The following GALNT15 variants were observed in gnomAD, a reference collection of about 807,000 sequenced individuals.
The protein encoded by GALNT15 is UDP-GalNAc transferase T15.
A neutral mutation model predicts 66.8 loss-of-function variants in GALNT15; 67 were observed. The ratio of observed to expected loss-of-function variants is 1.00; its 90% CI spans 0.82 to 1.23. GALNT15 has a LOEUF of 1.23. Ranked by LOEUF, GALNT15 falls within the 50% of genes most tolerant of loss-of-function variation. The pLI is 0.00. For synonymous variants in GALNT15, 313 were observed against 311.5 expected, an observed-to-expected ratio of 1.00 and a Z score of -0.05; for missense variants, 827 against 804.3, an observed-to-expected ratio of 1.03 and a Z score of -0.34.
chr3:16,181,866 C>T lies in GALNT15; in HGVS notation c.539+6176C>T, dbSNP rs2063475076. ...CGTGAAGGGATGCCACAAACACCAACCTTCCAGCCCTCGAGTCCACAGTGG... is the reference window on the plus strand; with the variant it reads ...CGTGAAGGGATGCCACAAACACCAATCTTCCAGCCCTCGAGTCCACAGTGG... On this transcript the variant is annotated intron_variant, in intron 1 of 9. Coordinates refer to ENST00000339732, the MANE Select transcript of GALNT15 (RefSeq NM_054110.5). The surrounding 1 kb of genome is among the most constrained non-coding windows in gnomAD (Gnocchi z 5.9). 6.6e-6 allele frequency among the ~76,000 whole-genome samples: 1 copy of T among 152,100 alleles called. No individual in the cohort carries two copies. Among genetic ancestry groups the T allele is most frequent in the South Asian group, 2.1e-4 (1 of 4,820 alleles).
the GALNT15 span, among the ~76,000 whole-genome samples, chr3:16,240,885 C>T: frequency 6.6e-6 from 1 of 152,238 alleles, no homozygotes. Context: ...ACCCTCTGGA[C>T]TCACCTGCTA....
chr3:16,245,557 G>A, the GALNT15 span, among the ~76,000 whole-genome samples: 1 of 152,324 alleles, frequency 6.6e-6, no homozygotes, highest in South Asian at 2.1e-4. Flanking sequence ...TTCTTGGCTG[G>A]GTCCTTTCTA....
downstream of GALNT15, among the ~76,000 whole-genome samples, chr3:16,231,536 C>T (rs139472423): frequency 6.0e-3 from 908 of 152,142 alleles, 8 homozygotes; most frequent in South Asian, 0.019. The surrounding 1 kb of genome is among the most constrained non-coding windows in gnomAD (Gnocchi z 4.1). Context: ...TAAGTTATCA[C>T]GACATATAAA....
the GALNT15 span, chr3:16,243,916 T>C: frequency 1.3e-6 from 1 of 749,034 alleles, no homozygotes; most frequent in Non-Finnish European, 1.6e-6. Context: ...ATTGACCTTG[T>C]CTGATGTCGT....
In GALNT15 at chr3:16,229,933, A is replaced by T. The variant is rs919392693; in HGVS notation, c.*2433A>T. Among the ~76,000 whole-genome samples, 3 of 152,186 alleles carry T rather than the reference A, an allele frequency of 2.0e-5. No individual in the cohort carries two copies. The highest frequency in any genetic ancestry group is 4.4e-5 in the Non-Finnish European group (3 of 68,042). On this transcript the variant is annotated 3_prime_UTR_variant, in exon 10 of 10. Coordinates refer to ENST00000339732, the MANE Select transcript of GALNT15 (RefSeq NM_054110.5). Reference sequence around the variant, plus strand: ...CAGACCCTTAATTTAAGTAAAACAGATGCCTCCATTTAGTTCTAGAAGGAC... The same window carrying T: ...CAGACCCTTAATTTAAGTAAAACAGTTGCCTCCATTTAGTTCTAGAAGGAC...
At position 16,204,052 on chromosome 3, in the gene GALNT15, T is replaced by TAA. The variant is rs1268563817; in HGVS notation, c.911+3240_911+3241dup. Among the ~76,000 whole-genome samples the TAA allele has an allele frequency of 7.1e-6, 1 of 140,964 alleles. No homozygotes were observed. Among genetic ancestry groups the TAA allele is most frequent in the Non-Finnish European group, 1.6e-5 (1 of 64,152 alleles). 92.5% of individuals were successfully genotyped at this position (140,964 alleles called of 152,430 possible). On this transcript the variant is annotated intron_variant, in intron 3 of 9. Coordinates refer to ENST00000339732, the MANE Select transcript of GALNT15 (RefSeq NM_054110.5). The surrounding 1 kb of genome is among the most constrained non-coding windows in gnomAD (Gnocchi z 4.5). ...AGAAAAGGGTCTTTAAGAGCTCTTA[T>TAA]AAAAAAAAAAAAGTGGGGTGGGAGT...
At position 16,222,748 on chromosome 3, in the gene GALNT15, A is replaced by T; in HGVS notation, c.1763A>T (p.Asp588Val). Reference sequence around the variant, plus strand: ...CTGGCCATCCACCAGCAGCACTGGGACTTCCAGGAGGTGAGTAATCTGTTC... The same window carrying T: ...CTGGCCATCCACCAGCAGCACTGGGTCTTCCAGGAGGTGAGTAATCTGTTC... ...EGLAIHQQHW[D>V]FQENGMIVHI... Residue 588 changes from aspartate (D) to valine (V), a missense_variant, in exon 9 of 10, where the codon GAC (aspartate) becomes GTC (valine). Transcript: ENST00000339732. 6.2e-7 allele frequency: 1 copy of T among 1,614,086 alleles called. No individual in the cohort carries two copies. Among genetic ancestry groups the T allele is most frequent in the Non-Finnish European group, 8.5e-7 (1 of 1,180,012 alleles).
At chr3:16,190,602 C>T (rs1340933098) in intron 1 of GALNT15, among the ~76,000 whole-genome samples, 6 of 144,222 alleles carry the variant, frequency 4.2e-5, no homozygotes, top group Non-Finnish European at 7.5e-5. Flanking sequence ...CGCGCCACTG[C>T]ACTCCAGCCT....
chr3:16,242,755 G>A, the GALNT15 span, among the ~76,000 whole-genome samples: 1 of 152,070 alleles, frequency 6.6e-6, no homozygotes, highest in Non-Finnish European at 1.5e-5. This position sits in a 1 kb window ranked among gnomAD's most constrained non-coding sequence, Gnocchi z 5.6. Context: ...CTCCAGCTTG[G>A]GTGACAAAGA....
At chr3:16,231,938 G>C (rs1329062697), downstream of GALNT15, 1 of 1,527,440 alleles carries the variant, frequency 6.5e-7, no homozygotes, top group Non-Finnish European at 8.7e-7. This position sits in a 1 kb window ranked among gnomAD's most constrained non-coding sequence, Gnocchi z 4.1. Context: ...TCTAGGCACA[G>C]ATCAAGGGTG....
intron 5 of GALNT15, 107 bp from the exon 6 acceptor site, chr3:16,212,462 T>A: frequency 1.0e-6 from 1 of 997,032 alleles, no homozygotes; most frequent in South Asian, 1.7e-5. Context: ...CATTGAGTGC[T>A]CACGATTTCC....
At position 16,195,664 on chromosome 3, in the gene GALNT15, G is replaced by C. The variant is rs556725236; in HGVS notation, c.540-96G>C. Reference sequence around the variant, plus strand: ...CCCATAGGACAGCCATATAATGGGGGCAGCTCCAGCCAGAGCAAAGGAAGC... The same window carrying C: ...CCCATAGGACAGCCATATAATGGGGCCAGCTCCAGCCAGAGCAAAGGAAGC... On this transcript the variant is annotated intron_variant, in intron 1 of 9. Transcript: ENST00000339732. This position sits in a 1 kb window ranked among gnomAD's most constrained non-coding sequence, Gnocchi z 4.6. 1.2e-5 allele frequency: 13 copies of C among 1,090,906 alleles called. No individual in the cohort carries two copies. In the South Asian group the frequency reaches 1.4e-4, roughly 12 times the overall value. The allele number at this position is 1,090,906 out of a possible 1,614,324, so 67.6% of individuals were successfully genotyped here.
chr3:16,180,988 T>C lies in GALNT15; in HGVS notation c.539+5298T>C, dbSNP rs1410466639. Among the ~76,000 whole-genome samples the C allele has an allele frequency of 6.6e-6, 1 of 152,330 alleles. No individual in the cohort carries two copies. Among genetic ancestry groups the C allele is most frequent in the East Asian group, 1.9e-4 (1 of 5,178 alleles). ...TAAAATGGGATAATAATAACACCCT[T>C]GCATAAGGTTGTAGAGAAAATGAGA... On this transcript the variant is annotated intron_variant, in intron 1 of 9. Coordinates refer to ENST00000339732, the MANE Select transcript of GALNT15 (RefSeq NM_054110.5). The surrounding 1 kb of genome is among the most constrained non-coding windows in gnomAD (Gnocchi z 5.0).
Position 16,195,845 on chromosome 3 carries a change from C to A in GALNT15, c.625C>A (p.Arg209=). ...FHDEAWSTLL[R]TVHSILDTVP... The stretch of plus-strand genomic sequence containing the variant: ...TGATGAGGCCTGGTCCACTCTCCTG[C>A]GGACTGTACACAGCATCCTCGACAC... The change falls in exon 2 of 10, where the codon CGG becomes AGG. Residue 209 remains arginine (R), a synonymous_variant. Transcript: ENST00000339732. This position sits in a 1 kb window ranked among gnomAD's most constrained non-coding sequence, Gnocchi z 4.6. The A allele has an allele frequency of 1.2e-6, 2 of 1,614,052 alleles. No homozygotes were observed. The highest frequency in any genetic ancestry group is 1.7e-6 in the Non-Finnish European group (2 of 1,179,948).
chr3:16,230,465 T>C (rs760865919), downstream of GALNT15, among the ~76,000 whole-genome samples: 3 of 151,970 alleles, frequency 2.0e-5, no homozygotes, highest in Non-Finnish European at 2.9e-5. The surrounding 1 kb of genome is among the most constrained non-coding windows in gnomAD (Gnocchi z 4.5). Flanking sequence ...TGTGAGGGGG[T>C]TCTATTCTCT....
chr3:16,245,892 A>C, the GALNT15 span, among the ~76,000 whole-genome samples: 1 of 152,214 alleles, frequency 6.6e-6, no homozygotes, highest in African/African-American at 2.4e-5. Flanking sequence ...TCAGTGATTA[A>C]CTGGAGTGTC....
At chr3:16,241,521 A>G in the GALNT15 span, among the ~76,000 whole-genome samples, 2 of 151,582 alleles carry the variant, frequency 1.3e-5, no homozygotes, top group Non-Finnish European at 2.9e-5. The surrounding 1 kb of genome is among the most constrained non-coding windows in gnomAD (Gnocchi z 4.6). Context: ...CTACCCCAAA[A>G]CTTAGTGGCT....
At position 16,191,735 on chromosome 3, in the gene GALNT15, T is replaced by C. The variant is rs11128786; in HGVS notation, c.540-4025T>C. Among the ~76,000 whole-genome samples, 32,068 of 152,176 alleles carry C rather than the reference T, an allele frequency of 0.21. 3,536 individuals are homozygous for C. Among genetic ancestry groups the C allele is most frequent in the Admixed American group, 0.24 (3,698 of 15,284 alleles). On this transcript the variant is annotated intron_variant, in intron 1 of 9. Coordinates refer to ENST00000339732, the MANE Select transcript of GALNT15 (RefSeq NM_054110.5). The surrounding 1 kb of genome is among the most constrained non-coding windows in gnomAD (Gnocchi z 5.2). ...AGAGTTTAAATACAAATTTCTTTCA[T>C]TGAAGGAGGCCCTGCTCCATGCCAG...
chr3:16,219,764 C>A lies in GALNT15; in HGVS notation c.1525-146C>A. 2.3e-6 allele frequency: 2 copies of A among 877,178 alleles called. No homozygotes were observed. The highest frequency in any genetic ancestry group is 1.5e-5 in the South Asian group (1 of 66,746). 54.3% of individuals were successfully genotyped at this position (877,178 alleles called of 1,614,324 possible). On this transcript the variant is annotated intron_variant, in intron 7 of 9. Transcript: ENST00000339732. The surrounding 1 kb of genome is among the most constrained non-coding windows in gnomAD (Gnocchi z 4.3). ...GAGGCCTGTCCCTTAGGGTCAGTGG[C>A]TTCAGCTTTACCACACCTGTTGTTG...
Sources: gnomAD v4.1 joint callset for allele counts (sites outside exome capture counted in the v4.1 genomes callset) on GRCh38, gnomAD v4.1.1 for gene constraint, Gnocchi (gnomAD v3.1) non-coding constraint, MANE v1.5 for transcripts, NCBI Gene and HGNC (gene_info 2026-07-23, HGNC 2026-07-21) for gene names.